The following DLG5 variants were observed in gnomAD, a reference collection of about 807,000 sequenced individuals.
The protein encoded by DLG5 is discs large MAGUK scaffold protein 5.
Under a neutral mutation model 189.8 loss-of-function variants are expected in DLG5, and 48 were observed. The observed-to-expected ratio is 0.25, with a 90% CI of 0.20 to 0.32. DLG5 has a LOEUF of 0.32. Among genes scored for constraint, DLG5 ranks in the 10% least tolerant of loss-of-function variants. DLG5 has a pLI of 1.00. For missense variants in DLG5, 2,160 were observed against 2,544.7 expected, an observed-to-expected ratio of 0.85 and a Z score of 3.25; for synonymous variants, 1,016 against 1,054.1, an observed-to-expected ratio of 0.96 and a Z score of 0.70.
intron 5 of DLG5, among the ~76,000 whole-genome samples, chr10:77,852,802 A>G (rs1245369001): frequency 6.6e-6 from 1 of 152,196 alleles, no homozygotes; most frequent in African/African-American, 2.4e-5. Flanking sequence ...GAAAATGTCA[A>G]TGCGAACTCA....
At chr10:77,836,051 G>T in intron 7 of DLG5, 129 bp from the exon 8 acceptor site, 1 of 937,690 alleles carries the variant, frequency 1.1e-6, no homozygotes, top group Non-Finnish European at 1.6e-6. Context: ...GGAGCCCATC[G>T]CAGCACACCC....
chr10:77,918,858 G>A (rs1231785735), intron 1 of DLG5, among the ~76,000 whole-genome samples: 1 of 152,074 alleles, frequency 6.6e-6, no homozygotes. Context: ...TTCAGGAAAC[G>A]ACTATAGAGC....
intron 1 of DLG5, among the ~76,000 whole-genome samples, chr10:77,913,864 C>T (rs1489747342): frequency 1.3e-5 from 2 of 152,134 alleles, no homozygotes; most frequent in African/African-American, 4.8e-5. Flanking sequence ...GCTGGGATTA[C>T]AGGTATAAGC....
chr10:77,894,992 T>C (rs912358308), intron 1 of DLG5, among the ~76,000 whole-genome samples: 2 of 152,214 alleles, frequency 1.3e-5, no homozygotes, highest in African/African-American at 2.4e-5. Context: ...CTCGCTCTGC[T>C]TTTCTTCTTG....
At chr10:77,823,006 A>G (rs1318119076) in intron 14 of DLG5, among the ~76,000 whole-genome samples, 1 of 152,236 alleles carries the variant, frequency 6.6e-6, no homozygotes, top group Non-Finnish European at 1.5e-5. Flanking sequence ...CATCACCTGC[A>G]TCAAAACTCA....
rs368667821 is a variant in DLG5, at chr10:77,886,516, G to A, written c.305-17319C>T. Among the ~76,000 whole-genome samples, 5 of 152,112 alleles carry A rather than the reference G, an allele frequency of 3.3e-5. No homozygotes were observed. In the East Asian group the frequency reaches 7.8e-4, roughly 24 times the overall value. On this transcript the variant is annotated intron_variant, in intron 1 of 31. Transcript: ENST00000372391. ...TTACAGGCACACACCACCAGGCCTG[G>A]CTAATTTTTTGTATTTTTAGTAGAG...
chr10:77,830,446 C>A, intron 10 of DLG5, 102 bp from the exon 11 acceptor site: 1 of 1,535,854 alleles, frequency 6.5e-7, no homozygotes, highest in South Asian at 1.2e-5. Context: ...GGGACTGTCC[C>A]TTCACCTCAT....
rs200468031 is a variant in DLG5 at position 77,794,823 on chromosome 10, C to G, written c.5546+26G>C. On this transcript the variant is annotated intron_variant, in intron 30 of 31. Coordinates refer to ENST00000372391, the MANE Select transcript of DLG5 (RefSeq NM_004747.4). ...AGCCCCACCTGTGACAAGGCCCCAG[C>G]GGAGCCCAGGGGGCCAGTTACCTAC... 52 of 1,585,560 alleles carry G rather than the reference C, an allele frequency of 3.3e-5. No homozygotes were observed. In the Admixed American group the frequency reaches 6.9e-4, roughly 21 times the overall value.
At chr10:77,918,253 A>G (rs1162855587) in intron 1 of DLG5, among the ~76,000 whole-genome samples, 1 of 152,036 alleles carries the variant, frequency 6.6e-6, no homozygotes, top group African/African-American at 2.4e-5. Flanking sequence ...TCTACTAAAA[A>G]TACAAAAAAA....
rs59297524 is a variant in DLG5, at chr10:77,814,461, T to TTATATATATA, written c.4025+2080_4026-2085dup. Among the ~76,000 whole-genome samples, 117 of 70,736 alleles carry TTATATATATA rather than the reference T, an allele frequency of 1.7e-3. 6 individuals carry two copies. The highest frequency in any genetic ancestry group is 2.6e-3 in the Non-Finnish European group (85 of 32,302). The allele number at this position is 70,736 out of a possible 152,430, so 46.4% of individuals were successfully genotyped here. A position where few individuals can be genotyped will look rare whatever the true frequency, so the allele number is the denominator to read the frequency against. ...TATGTACATAAATAATAAAGCATGT[T>TTATATATATA]TATATATATATATATATATATATAT... is the stretch of plus-strand genomic sequence containing the variant. On this transcript the variant is annotated intron_variant, in intron 20 of 31. Transcript: ENST00000372391.
At chr10:77,872,606 G>A (rs1844944881) in intron 1 of DLG5, among the ~76,000 whole-genome samples, 1 of 152,130 alleles carries the variant, frequency 6.6e-6, no homozygotes, top group Non-Finnish European at 1.5e-5. Context: ...GGGAAAAAAG[G>A]CCCAAAGACG....
chr10:77,873,031 GCA>G (rs1554826890), intron 1 of DLG5, among the ~76,000 whole-genome samples: 33 of 45,514 alleles, frequency 7.3e-4, no homozygotes, highest in South Asian at 3.0e-3. Context: ...GTGTGTGTGT[GCA>G]CACACACACA....
chr10:77,900,141 C>A (rs571555908), intron 1 of DLG5, among the ~76,000 whole-genome samples: 1 of 152,138 alleles, frequency 6.6e-6, no homozygotes, highest in East Asian at 1.9e-4. Context: ...GGTGAGGAAG[C>A]TGAGGCTCCA....
intron 26 of DLG5, 34 bp downstream of exon 26, chr10:77,806,724 G>GC: frequency 5.0e-4 from 512 of 1,015,956 alleles, no homozygotes; most frequent in Non-Finnish European, 6.4e-4. Flanking sequence ...GGCGACCCCT[G>GC]CCCCACCCCA....
intron 1 of DLG5, among the ~76,000 whole-genome samples, chr10:77,900,889 C>T (rs148007668): frequency 0.026 from 3,961 of 152,112 alleles, 179 homozygotes; most frequent in African/African-American, 0.091. Context: ...GAGCCAAGAT[C>T]GTGCTACTGT....
At chr10:77,804,683 C>T (rs1419553422) in intron 27 of DLG5, among the ~76,000 whole-genome samples, 4 of 152,212 alleles carry the variant, frequency 2.6e-5, no homozygotes, top group Admixed American at 2.6e-4. Flanking sequence ...CAGGGGATGT[C>T]TGACATCTCC....
At chr10:77,817,422 C>T (rs917340329) in intron 18 of DLG5, among the ~76,000 whole-genome samples, 13 of 152,188 alleles carry the variant, frequency 8.5e-5, no homozygotes, top group African/African-American at 2.4e-4. Flanking sequence ...TACCTTTGTC[C>T]GACTCTCCTC....
chr10:77,804,270 C>T (rs1308175039), intron 27 of DLG5, among the ~76,000 whole-genome samples: 1 of 152,218 alleles, frequency 6.6e-6, no homozygotes, highest in African/African-American at 2.4e-5. Flanking sequence ...CAATTGTTAT[C>T]AGCAAAGGGC....
intron 1 of DLG5, among the ~76,000 whole-genome samples, chr10:77,917,203 A>T (rs1374676635): frequency 2.0e-5 from 3 of 151,960 alleles, no homozygotes; most frequent in Admixed American, 1.3e-4. Context: ...TCAGTCGGGC[A>T]TGGTGGCGGG....
Sources: allele counts gnomAD v4.1 joint callset (sites outside exome capture counted in the v4.1 genomes callset), GRCh38; gene constraint gnomAD v4.1.1; transcripts MANE v1.5; gene names NCBI Gene and HGNC (gene_info 2026-07-23, HGNC 2026-07-21).